RORA: variants seen among roughly 807,000 people sequenced by gnomAD.
RORA encodes RAR related orphan receptor A.
A neutral mutation model predicts 69.5 loss-of-function variants in RORA; 7 were observed. The ratio of observed to expected loss-of-function variants is 0.10; its 90% CI spans 0.06 to 0.19. The LOEUF (loss-of-function observed/expected upper bound fraction) is 0.19. Among genes scored for constraint, RORA ranks in the 10% least tolerant of loss-of-function variants. The pLI is 1.00. For synonymous variants in RORA, 261 were observed against 240.8 expected, an observed-to-expected ratio of 1.08 and a Z score of -0.78; for missense variants, 457 against 663.0, an observed-to-expected ratio of 0.69 and a Z score of 3.41.
intron 1 of RORA, among the ~76,000 whole-genome samples, chr15:60,697,140 T>C (rs758314990): frequency 6.6e-6 from 1 of 152,212 alleles, no homozygotes; most frequent in Admixed American, 6.5e-5. Flanking sequence ...GCTGCCACAA[T>C]ACACAGGGCG....
intron 2 of RORA, among the ~76,000 whole-genome samples, chr15:60,581,067 CCTT>C (rs1448903203): frequency 6.6e-6 from 1 of 152,238 alleles, no homozygotes; most frequent in Non-Finnish European, 1.5e-5. Flanking sequence ...TGGTAACCAA[CCTT>C]CTTCAACAAG....
chr15:61,022,673 C>T (rs562630561), intron 1 of RORA, among the ~76,000 whole-genome samples: 3 of 152,002 alleles, frequency 2.0e-5, no homozygotes, highest in Admixed American at 2.0e-4. Context: ...AAAAATGTGA[C>T]CCCCTAGACA....
chr15:60,846,905 A>G (rs1330493479), intron 1 of RORA, among the ~76,000 whole-genome samples: 1 of 152,132 alleles, frequency 6.6e-6, no homozygotes, highest in Non-Finnish European at 1.5e-5. Flanking sequence ...TCAGATCTTT[A>G]TTTTCTGTTT....
At chr15:60,733,928 G>A (rs1449579125) in intron 1 of RORA, among the ~76,000 whole-genome samples, 1 of 150,540 alleles carries the variant, frequency 6.6e-6, no homozygotes, top group African/African-American at 2.5e-5. Flanking sequence ...GAGAGAGAGA[G>A]AGAGAGAGAG....
intron 1 of RORA, among the ~76,000 whole-genome samples, chr15:60,948,111 T>C (rs1892955753): frequency 6.6e-6 from 1 of 152,046 alleles, no homozygotes; most frequent in African/African-American, 2.4e-5. Flanking sequence ...AACCAGGTCA[T>C]GCGAGACATG....
chr15:60,891,086 G>C (rs2073808510), intron 1 of RORA, among the ~76,000 whole-genome samples: 1 of 152,226 alleles, frequency 6.6e-6, no homozygotes, highest in Non-Finnish European at 1.5e-5. Flanking sequence ...CAAGGACCCA[G>C]AATTCTGCTG....
intron 1 of RORA, among the ~76,000 whole-genome samples, chr15:61,169,125 T>C (rs560795734): frequency 6.7e-6 from 1 of 148,722 alleles, no homozygotes; most frequent in Admixed American, 6.7e-5. Flanking sequence ...GCCTGACTCC[T>C]CTGACTGGCC....
intron 1 of RORA, among the ~76,000 whole-genome samples, chr15:60,678,957 C>G (rs1055722065): frequency 1.2e-4 from 18 of 152,176 alleles, no homozygotes; most frequent in African/African-American, 4.1e-4. Flanking sequence ...TTAAACAGGA[C>G]GCGAGGAGAC....
At chr15:61,166,503 T>C (rs1258438014) in intron 1 of RORA, among the ~76,000 whole-genome samples, 1 of 152,168 alleles carries the variant, frequency 6.6e-6, no homozygotes, top group Non-Finnish European at 1.5e-5. Flanking sequence ...ACACAACATT[T>C]GGACTTTTCA....
chr15:61,152,636 G>T (rs1032471374), intron 1 of RORA, among the ~76,000 whole-genome samples: 1 of 152,060 alleles, frequency 6.6e-6, no homozygotes, highest in Non-Finnish European at 1.5e-5. Context: ...GGCATTTAGT[G>T]AACAAGAGAT....
Position 60,511,628 on chromosome 15 carries a change from G to A in RORA, c.425-7C>T. On this transcript the variant is annotated splice_polypyrimidine_tract_variant and splice_region_variant and intron_variant, in intron 4 of 10. Coordinates refer to ENST00000335670, the MANE Select transcript of RORA (RefSeq NM_134261.3). The surrounding 1 kb of genome is among the most constrained non-coding windows in gnomAD (Gnocchi z 6.4). ...ATTCGGCCAAATTTTACAGCTGGAA[G>A]AAAAAAGCCAAACCATACTACATAC... 1 of 1,596,880 alleles carries A rather than the reference G, an allele frequency of 6.3e-7. No homozygotes were observed. The highest frequency in any genetic ancestry group is 8.5e-7 in the Non-Finnish European group (1 of 1,171,710).
At chr15:60,726,894 A>G (rs1451919471) in intron 1 of RORA, among the ~76,000 whole-genome samples, 1 of 152,228 alleles carries the variant, frequency 6.6e-6, no homozygotes. Flanking sequence ...GCCATTTAGG[A>G]GAGGCCCTTA....
intron 1 of RORA, among the ~76,000 whole-genome samples, chr15:60,887,143 A>T (rs1595793268): frequency 8.6e-5 from 1 of 11,592 alleles, no homozygotes; most frequent in East Asian, 0.011. Flanking sequence ...GCCAGAGCTG[A>T]GAGAGAGAGA....
At chr15:60,701,652 C>T (rs755954400) in intron 1 of RORA, among the ~76,000 whole-genome samples, 3 of 152,186 alleles carry the variant, frequency 2.0e-5, no homozygotes, top group Non-Finnish European at 4.4e-5. Flanking sequence ...GCACAGGCTC[C>T]GGGGAGTGCC....
At chr15:60,548,518 A>C (rs1036260743) in intron 2 of RORA, among the ~76,000 whole-genome samples, 2 of 152,232 alleles carry the variant, frequency 1.3e-5, no homozygotes, top group African/African-American at 4.8e-5. Flanking sequence ...GTCAGCCAAC[A>C]ATTTCCAGGG....
intron 1 of RORA, among the ~76,000 whole-genome samples, chr15:61,082,211 G>A (rs576712983): frequency 1.5e-4 from 23 of 152,166 alleles, no homozygotes; most frequent in South Asian, 6.2e-4. Flanking sequence ...GTATTTGGCC[G>A]GGCGCAGTGG....
chr15:60,991,583 TTAAAA>T (rs1327994711), intron 1 of RORA, among the ~76,000 whole-genome samples: 40 of 152,238 alleles, frequency 2.6e-4, no homozygotes, highest in African/African-American at 9.1e-4. Flanking sequence ...TAGTAAAGTT[TTAAAA>T]AATATAAAAT....
Position 61,167,436 on chromosome 15 carries a change from T to C in RORA, c.166+61617A>G, listed in dbSNP as rs569169746. ...ACATTGAGATCCTTATCCAGATATT[T>C]ATAAGCCTTTAGAACTCTTTAAAGG... On this transcript the variant is annotated intron_variant, in intron 1 of 10. Transcript: ENST00000335670. Among the ~76,000 whole-genome samples the C allele has an allele frequency of 2.1e-5, 3 of 145,294 alleles. No homozygotes were observed. The East Asian group carries it at 6.0e-4, about 29-fold the overall frequency.
At chr15:61,007,798 G>C (rs1894958073) in intron 1 of RORA, among the ~76,000 whole-genome samples, 1 of 145,574 alleles carries the variant, frequency 6.9e-6, no homozygotes, top group Non-Finnish European at 1.5e-5. Flanking sequence ...TTAACATTAG[G>C]CTGTTACATA....
Sources: gnomAD v4.1 joint callset for allele counts (sites outside exome capture counted in the v4.1 genomes callset) on GRCh38, gnomAD v4.1.1 for gene constraint, Gnocchi (gnomAD v3.1) non-coding constraint, MANE v1.5 for transcripts, NCBI Gene and HGNC (gene_info 2026-07-23, HGNC 2026-07-21) for gene names.